The following MAD1L1 variants were observed in gnomAD, a reference collection of about 807,000 sequenced individuals.
MAD1L1 encodes mitotic spindle assembly checkpoint protein MAD1.
In MAD1L1, 95 loss-of-function variants were observed where a neutral mutation model predicts 96.9. That is an observed-to-expected ratio of 0.98 (90% CI 0.83 to 1.16). MAD1L1 has a LOEUF of 1.16. Among genes scored for constraint, MAD1L1 ranks in the 50% most tolerant of loss-of-function variants. The pLI is 0.00. For missense variants in MAD1L1, 1,007 were observed against 954.4 expected, an observed-to-expected ratio of 1.06 and a Z score of -0.73; for synonymous variants, 473 against 396.6, an observed-to-expected ratio of 1.19 and a Z score of -2.29.
chr7:1,867,708 T>C (rs1784845624), intron 18 of MAD1L1, among the ~76,000 whole-genome samples: 1 of 152,170 alleles, frequency 6.6e-6, no homozygotes, highest in Non-Finnish European at 1.5e-5. Context: ...GGGGCAGAGC[T>C]CCTGCAGGGT....
intron 11 of MAD1L1, among the ~76,000 whole-genome samples, chr7:2,140,714 A>C (rs1788987180): frequency 6.6e-6 from 1 of 152,222 alleles, no homozygotes; most frequent in Admixed American, 6.5e-5. Context: ...TGCTGATGGC[A>C]GTTGCCTTCC....
intron 16 of MAD1L1, among the ~76,000 whole-genome samples, chr7:1,944,596 A>T (rs1562549447): frequency 6.6e-6 from 1 of 152,130 alleles, no homozygotes; most frequent in Non-Finnish European, 1.5e-5. Flanking sequence ...TCCGTAAGGA[A>T]ATGTCCTTAC....
chr7:1,965,324 G>A lies in MAD1L1; in HGVS notation c.1506-7605C>T, dbSNP rs73292428. Among the ~76,000 whole-genome samples the A allele has an allele frequency of 4.5e-3, 681 of 152,332 alleles. 6 individuals are homozygous for A. Among genetic ancestry groups the A allele is most frequent in the African/African-American group, 0.014 (597 of 41,570 alleles). Reference sequence around the variant, plus strand: ...CATAAAGAGAGCACGTGACAAAGCCGCGCAGACATGGCAGTGTGACGGGTG... The same window carrying A: ...CATAAAGAGAGCACGTGACAAAGCCACGCAGACATGGCAGTGTGACGGGTG... On this transcript the variant is annotated intron_variant, in intron 15 of 18. Coordinates refer to ENST00000265854, the MANE Select transcript of MAD1L1 (RefSeq NM_001013836.2).
chr7:2,186,928 G>C (rs1791488326), intron 10 of MAD1L1, among the ~76,000 whole-genome samples: 1 of 151,848 alleles, frequency 6.6e-6, no homozygotes, highest in Non-Finnish European at 1.5e-5. Flanking sequence ...CCAGTAGCTG[G>C]GATTACAGGC....
intron 12 of MAD1L1, among the ~76,000 whole-genome samples, chr7:2,045,641 C>T (rs943472033): frequency 2.0e-5 from 3 of 151,992 alleles, no homozygotes; most frequent in African/African-American, 7.2e-5. Flanking sequence ...CAGCACCTGA[C>T]GATGCCCTGG....
intron 11 of MAD1L1, among the ~76,000 whole-genome samples, chr7:2,132,579 C>A (rs1043283620): frequency 6.6e-6 from 1 of 152,240 alleles, no homozygotes; most frequent in Non-Finnish European, 1.5e-5. Context: ...CTGGCAACCA[C>A]CGATCTTTTT....
chr7:2,027,964 AATT>A (rs1783057194), intron 12 of MAD1L1, among the ~76,000 whole-genome samples: 1 of 152,228 alleles, frequency 6.6e-6, no homozygotes, highest in African/African-American at 2.4e-5. Context: ...TCTACAAATA[AATT>A]ATTAAAATAA....
At chr7:2,054,560 T>A (rs1312922108) in intron 12 of MAD1L1, among the ~76,000 whole-genome samples, 1 of 152,178 alleles carries the variant, frequency 6.6e-6, no homozygotes, top group Non-Finnish European at 1.5e-5. Context: ...CATAACAAAG[T>A]GGACATTCTT....
intron 12 of MAD1L1, among the ~76,000 whole-genome samples, chr7:2,042,300 C>T (rs1025796474): frequency 3.3e-5 from 5 of 151,868 alleles, no homozygotes; most frequent in Admixed American, 6.6e-5. Flanking sequence ...CACAGACACA[C>T]GCAGATGTGC....
At chr7:1,876,042 G>A (rs1455268350) in intron 18 of MAD1L1, among the ~76,000 whole-genome samples, 1 of 152,204 alleles carries the variant, frequency 6.6e-6, no homozygotes, top group East Asian at 1.9e-4. Flanking sequence ...CCAGAATTGT[G>A]TGAGACACAC....
rs11980171 is a variant in MAD1L1, at chr7:2,127,221, G to C, written c.1073+21931C>G. ...TTGCTAGTCATGGGAGTGCCACAGA[G>C]AAGACGTCCCCGCCCTCCCCTACTT... On this transcript the variant is annotated intron_variant, in intron 11 of 18. Coordinates refer to ENST00000265854, the MANE Select transcript of MAD1L1 (RefSeq NM_001013836.2). 4.1e-3 allele frequency among the ~76,000 whole-genome samples: 628 copies of C among 152,306 alleles called. 8 individuals carry two copies. The highest frequency in any genetic ancestry group is 0.014 in the African/African-American group (597 of 41,562).
intron 13 of MAD1L1, among the ~76,000 whole-genome samples, chr7:2,003,153 T>C (rs945491201): frequency 5.1e-4 from 23 of 45,130 alleles, no homozygotes; most frequent in Non-Finnish European, 7.2e-4. Flanking sequence ...CCAGCAGGCC[T>C]GAGGGTGAGG....
At chr7:2,152,628 C>T (rs1311208472) in intron 10 of MAD1L1, among the ~76,000 whole-genome samples, 1 of 152,160 alleles carries the variant, frequency 6.6e-6, no homozygotes, top group East Asian at 1.9e-4. Flanking sequence ...GAGATGGACC[C>T]ATGGGAGAAA....
Position 2,216,186 on chromosome 7 carries a change from C to T in MAD1L1, c.780G>A (p.Lys260=). The change falls in exon 8 of 19, where the codon AAG becomes AAA. Residue 260 remains lysine, a synonymous_variant. Transcript: ENST00000265854. ...GGTGCGCGCTCTCCTCCCGCAGCTG[C>T]TTCAGCTCCCGTTCCAGCCTAGGGA... The part of the protein sequence containing the change: ...VRLPRLEREL[K]QLREESAHLR... 6.2e-7 allele frequency: 1 copy of T among 1,613,750 alleles called. No homozygotes were observed. The highest frequency in any genetic ancestry group is 8.5e-7 in the Non-Finnish European group (1 of 1,180,002).
chr7:1,893,667 C>T (rs1786692087), intron 18 of MAD1L1, among the ~76,000 whole-genome samples: 1 of 152,128 alleles, frequency 6.6e-6, no homozygotes, highest in African/African-American at 2.4e-5. Flanking sequence ...GCTCAGCCCC[C>T]TGAGGATGCC....
At position 2,103,593 on chromosome 7, in the gene MAD1L1, G is replaced by A. The variant is rs1786931754; in HGVS notation, c.1074-34255C>T. 6.6e-6 allele frequency among the ~76,000 whole-genome samples: 1 copy of A among 152,110 alleles called. No individual in the cohort carries two copies. The highest frequency in any genetic ancestry group is 2.4e-5 in the African/African-American group (1 of 41,440). On this transcript the variant is annotated intron_variant, in intron 11 of 18. Coordinates refer to ENST00000265854, the MANE Select transcript of MAD1L1 (RefSeq NM_001013836.2). The surrounding 1 kb of genome is among the most constrained non-coding windows in gnomAD (Gnocchi z 4.3). ...CAAAGCCCACCACCAGGCAGCCCTG[G>A]GAGCCCCTGCGAAGGCCTCTCAGGA...
intron 18 of MAD1L1, among the ~76,000 whole-genome samples, chr7:1,844,972 G>C (rs1347732288): frequency 6.6e-6 from 1 of 152,256 alleles, no homozygotes; most frequent in African/African-American, 2.4e-5. Context: ...TCAGAAGGAG[G>C]ACAGGGGTGC....
intron 13 of MAD1L1, among the ~76,000 whole-genome samples, chr7:2,013,588 A>G (rs35622755): frequency 0.077 from 11,736 of 152,378 alleles, 582 homozygotes; most frequent in Middle Eastern, 0.14. Flanking sequence ...GCAGTCAGGT[A>G]AAGGGCCAGG....
chr7:2,149,621 C>G (rs1198140602), intron 10 of MAD1L1, among the ~76,000 whole-genome samples: 2 of 152,158 alleles, frequency 1.3e-5, no homozygotes, highest in African/African-American at 2.4e-5. Context: ...TTCAGAAGAC[C>G]CACATATAAC....
Sources: allele counts gnomAD v4.1 joint callset (sites outside exome capture counted in the v4.1 genomes callset), GRCh38; gene constraint gnomAD v4.1.1; non-coding constraint Gnocchi (gnomAD v3.1); transcripts MANE v1.5; gene names NCBI Gene and HGNC (gene_info 2026-07-23, HGNC 2026-07-21).